PCDHGB6: variants seen among roughly 807,000 people sequenced by gnomAD.
PCDHGB6 encodes the protein protocadherin gamma-B6.
A neutral mutation model predicts 59.1 loss-of-function variants in PCDHGB6; 51 were observed. The observed-to-expected ratio is 0.86, with a 90% CI of 0.69 to 1.09. The LOEUF is 1.09. Ranked by LOEUF, PCDHGB6 falls within the 50% of genes least tolerant of loss-of-function variation. The pLI is 0.00. For missense variants in PCDHGB6, 1,148 were observed against 1,205.1 expected (o/e 0.95, Z 0.70); for synonymous variants, 466 against 495.1 (o/e 0.94, Z 0.78).
intron 3 of PCDHGB6, among the ~76,000 whole-genome samples, chr5:141,507,617 C>T (rs1366723844): frequency 6.6e-6 from 1 of 152,278 alleles, no homozygotes; most frequent in African/African-American, 2.4e-5. Context: ...GTATATTTAG[C>T]TGTTGTGGCC....
chr5:141,437,591 G>T (rs1177672004), intron 1 of PCDHGB6, among the ~76,000 whole-genome samples: 5 of 152,170 alleles, frequency 3.3e-5, no homozygotes, highest in Non-Finnish European at 7.3e-5. Flanking sequence ...GAATTGGATA[G>T]TTCTGGTGTA....
rs2099710219 is a variant in PCDHGB6, at chr5:141,491,289, C to A, written c.2419-3518C>A. On this transcript the variant is annotated intron_variant, in intron 1 of 3. Transcript: ENST00000520790. The surrounding 1 kb of genome is among the most constrained non-coding windows in gnomAD (Gnocchi z 6.9). The stretch of plus-strand genomic sequence containing the variant: ...CCAAATCCAGTGACTTCCTCATACA[C>A]CCTCCTGAGCGTTCAGACCTTACCC... 1 of 1,614,112 alleles carries A rather than the reference C, an allele frequency of 6.2e-7. No homozygotes were observed. Among genetic ancestry groups the A allele is most frequent in the Non-Finnish European group, 8.5e-7 (1 of 1,179,942 alleles).
intron 1 of PCDHGB6, among the ~76,000 whole-genome samples, chr5:141,482,765 T>C (rs2099572013): frequency 7.9e-6 from 1 of 127,068 alleles, no homozygotes; most frequent in African/African-American, 3.6e-5. Flanking sequence ...TATTTCATTA[T>C]CACTGAACCT....
intron 1 of PCDHGB6, among the ~76,000 whole-genome samples, chr5:141,462,125 A>AT (rs1561991410): frequency 6.6e-6 from 1 of 151,688 alleles, no homozygotes; most frequent in African/African-American, 2.4e-5. Context: ...ACCCAGTCCA[A>AT]TTTTTTGTAT....
intron 1 of PCDHGB6, chr5:141,433,240 C>A (rs533423214): frequency 1.3e-6 from 2 of 1,488,038 alleles, no homozygotes; most frequent in Non-Finnish European, 1.8e-6. Flanking sequence ...GTCTCCCAAG[C>A]TGGAATGCAG....
In PCDHGB6 at chr5:141,410,079, T is replaced by A; in HGVS notation, c.1877T>A (p.Val626Glu). Residue 626 changes from valine (V) to glutamate (E), a missense_variant, in exon 1 of 4, where the codon GTG becomes GAG. Coordinates refer to ENST00000520790, the MANE Select transcript of PCDHGB6 (RefSeq NM_018926.3). Reference protein sequence around the residue: ...LFSLGLRTGEVRTARALGDRD... With the variant: ...LFSLGLRTGEERTARALGDRD... ...AGCCTGGGGCTGCGCACTGGGGAGGTGCGCACGGCTCGAGCCTTAGGCGAC... is the reference window on the plus strand; with the variant it reads ...AGCCTGGGGCTGCGCACTGGGGAGGAGCGCACGGCTCGAGCCTTAGGCGAC... 1 of 1,612,494 alleles carries A rather than the reference T, an allele frequency of 6.2e-7. No individual in the cohort carries two copies. Among genetic ancestry groups the A allele is most frequent in the Non-Finnish European group, 8.5e-7 (1 of 1,179,620 alleles).
intron 1 of PCDHGB6, among the ~76,000 whole-genome samples, chr5:141,459,221 G>A (rs1028895845): frequency 9.2e-5 from 14 of 152,154 alleles, no homozygotes; most frequent in African/African-American, 3.1e-4. Flanking sequence ...TCCAGCTCCA[G>A]GCAACAACTG....
chr5:141,421,328 A>G (rs1355932974), intron 1 of PCDHGB6: 1 of 1,613,902 alleles, frequency 6.2e-7, no homozygotes. Flanking sequence ...CAGATCCGAT[A>G]TTCGGTGCCA....
Position 141,414,386 on chromosome 5 carries a change from G to A in PCDHGB6, c.2418+3766G>A, listed in dbSNP as rs746637010. On this transcript the variant is annotated intron_variant, in intron 1 of 3. Transcript: ENST00000520790. ...TTTAAATTAGAAAAGTCCATTGACA[G>A]TTATTACAGATTGGTGATACACAGA... is the stretch of plus-strand genomic sequence containing the variant. The A allele has an allele frequency of 1.9e-6, 3 of 1,613,906 alleles. No homozygotes were observed. The Admixed American group carries it at 5.0e-5, about 27-fold the overall frequency.
At chr5:141,507,531 C>T (rs1467914007) in intron 3 of PCDHGB6, among the ~76,000 whole-genome samples, 3 of 151,964 alleles carry the variant, frequency 2.0e-5, no homozygotes, top group African/African-American at 7.2e-5. Flanking sequence ...CCAGAGAGGC[C>T]AGAGACTGAG....
In PCDHGB6 at chr5:141,409,887, T is replaced by C; in HGVS notation, c.1685T>C (p.Val562Ala). Residue 562 changes from valine (V) to alanine (A), a missense_variant, in exon 1 of 4, where the codon GTG becomes GCG. Physicochemically the swap from Val to Ala is moderately conservative, Grantham distance 64. This residue lies in a region of PCDHGB6 where 549 missense variants were observed against 527.5 expected (regional missense o/e 1.04). Transcript: ENST00000520790. Reference sequence around the variant, plus strand: ...GACCGCAATGACAACGCACCGCGGGTGCTGTACCCAGCTCTGGGTCCTGAC... The same window carrying C: ...GACCGCAATGACAACGCACCGCGGGCGCTGTACCCAGCTCTGGGTCCTGAC... Reference protein sequence around the residue: ...VGDRNDNAPRVLYPALGPDGS... With the variant: ...VGDRNDNAPRALYPALGPDGS... The C allele has an allele frequency of 1.2e-6, 2 of 1,613,062 alleles. No individual in the cohort carries two copies. The highest frequency in any genetic ancestry group is 1.7e-5 in the Admixed American group (1 of 59,976).
At chr5:141,427,678 C>T in intron 1 of PCDHGB6, 1 of 822,634 alleles carries the variant, frequency 1.2e-6, no homozygotes, top group Non-Finnish European at 2.0e-6. Flanking sequence ...AACAACCTTC[C>T]CGGAGCCTCC....
In PCDHGB6 at chr5:141,486,890, G is replaced by T; in HGVS notation, c.2419-7917G>T. On this transcript the variant is annotated intron_variant, in intron 1 of 3. Coordinates refer to ENST00000520790, the MANE Select transcript of PCDHGB6 (RefSeq NM_018926.3). The surrounding 1 kb of genome is among the most constrained non-coding windows in gnomAD (Gnocchi z 5.0). ...TGTGCTCCGTCCTCGGGCCCGGCCT[G>T]GTTCCTTATGTCCCCAAGCACTGCC... 6.2e-7 allele frequency: 1 copy of T among 1,614,242 alleles called. No individual in the cohort carries two copies. The highest frequency in any genetic ancestry group is 8.5e-7 in the Non-Finnish European group (1 of 1,180,048).
chr5:141,453,869 G>A (rs887544235), intron 1 of PCDHGB6, among the ~76,000 whole-genome samples: 9 of 152,144 alleles, frequency 5.9e-5, no homozygotes, highest in Non-Finnish European at 1.2e-4. Context: ...TAACAGATGA[G>A]CAAAATAATG....
rs866710706 is a variant in PCDHGB6, at chr5:141,485,167, G to A, written c.2419-9640G>A. On this transcript the variant is annotated intron_variant, in intron 1 of 3. Transcript: ENST00000520790. The surrounding 1 kb of genome is among the most constrained non-coding windows in gnomAD (Gnocchi z 5.7). ...AGGAGCAAGTAGAGAATTAGCGGGC[G>A]GCAGCAATGCTCCGCAAGGTGAGAA... The A allele has an allele frequency of 6.2e-7, 1 of 1,608,386 alleles. No homozygotes were observed.
chr5:141,476,850 A>C lies in PCDHGB6; in HGVS notation c.2419-17957A>C, dbSNP rs747333239. Reference sequence around the variant, plus strand: ...GCGAATGACAATGCGCCTGTCTTCAACCAGTCCTTGTACCGGGCGCGCGTC... The same window carrying C: ...GCGAATGACAATGCGCCTGTCTTCACCCAGTCCTTGTACCGGGCGCGCGTC... On this transcript the variant is annotated intron_variant, in intron 1 of 3. Transcript: ENST00000520790. The surrounding 1 kb of genome is among the most constrained non-coding windows in gnomAD (Gnocchi z 7.6). The C allele has an allele frequency of 5.6e-6, 9 of 1,613,718 alleles. No individual in the cohort carries two copies. Among genetic ancestry groups the C allele is most frequent in the Non-Finnish European group, 7.6e-6 (9 of 1,180,054 alleles).
chr5:141,478,878 T>C (rs946127535), intron 1 of PCDHGB6: 8 of 1,250,076 alleles, frequency 6.4e-6, no homozygotes, highest in Non-Finnish European at 8.6e-6. Context: ...GAGTTTAGCT[T>C]GGTATCATTT....
In PCDHGB6 at chr5:141,477,532, C is replaced by T. The variant is rs754570150; in HGVS notation, c.2419-17275C>T. On this transcript the variant is annotated intron_variant, in intron 1 of 3. Transcript: ENST00000520790. This position sits in a 1 kb window ranked among gnomAD's most constrained non-coding sequence, Gnocchi z 4.9. ...TTTACATTGAAGAAAACAACCTCCC[C>T]GGGGCTCCAATACTAAACCTAAGTG... 2.5e-6 allele frequency: 4 copies of T among 1,614,028 alleles called. No individual in the cohort carries two copies. Among genetic ancestry groups the T allele is most frequent in the Admixed American group, 1.7e-5 (1 of 60,000 alleles).
intron 1 of PCDHGB6, among the ~76,000 whole-genome samples, chr5:141,472,980 C>CAAAAAAAAAAAAAAAAGAAAAAAA (rs2099308501): frequency 2.3e-5 from 2 of 86,104 alleles, no homozygotes; most frequent in African/African-American, 7.8e-5. Flanking sequence ...GAGTGAAACT[C>CAAAAAAAAAAAAAAAAGAAAAAAA]AAAAAAAAAA....
Sources: allele counts gnomAD v4.1 joint callset (sites outside exome capture counted in the v4.1 genomes callset), GRCh38; gene constraint gnomAD v4.1.1; regional missense constraint gnomAD v4.1.1; non-coding constraint Gnocchi (gnomAD v3.1); transcripts MANE v1.5; gene names NCBI Gene and HGNC (gene_info 2026-07-23, HGNC 2026-07-21).